Variants in SGCB observed in about 807,000 individuals in gnomAD.
The protein encoded by SGCB is beta-sarcoglycan.
A neutral mutation model predicts 27.3 loss-of-function variants in SGCB; 25 were observed. The observed-to-expected ratio is 0.92, with a 90% CI of 0.67 to 1.28. SGCB has a LOEUF of 1.28. SGCB is among the 50% of genes most tolerant of loss of function. The pLI is 0.00. For synonymous variants in SGCB, 147 were observed against 133.5 expected, an observed-to-expected ratio of 1.10 and a Z score of -0.70; for missense variants, 436 against 402.1, an observed-to-expected ratio of 1.08 and a Z score of -0.72.
chr4:52,025,493 C>G (rs1737066410), intron 5 of SGCB, among the ~76,000 whole-genome samples: 1 of 152,236 alleles, frequency 6.6e-6, no homozygotes, highest in South Asian at 2.1e-4. Context: ...CCAGGGACAG[C>G]TATGAGGCCA....
intron 3 of SGCB, among the ~76,000 whole-genome samples, 197 bp from the exon 4 acceptor site, chr4:52,029,118 A>C (rs1737184113): frequency 6.6e-6 from 1 of 152,248 alleles, no homozygotes; most frequent in Admixed American, 6.5e-5. Flanking sequence ...GAAGGTTTAT[A>C]CATTTATTTG....
intron 5 of SGCB, among the ~76,000 whole-genome samples, chr4:52,027,627 T>C (rs1460192396): frequency 7.0e-6 from 1 of 143,674 alleles, no homozygotes; most frequent in Non-Finnish European, 1.5e-5. Context: ...CAAGTGATCA[T>C]TATACAAAAA....
intron 2 of SGCB, among the ~76,000 whole-genome samples, chr4:52,032,763 A>G (rs987319553): frequency 6.6e-6 from 1 of 152,204 alleles, no homozygotes; most frequent in Non-Finnish European, 1.5e-5. Flanking sequence ...TAAGTATATC[A>G]ATAATCATTC....
intron 5 of SGCB, among the ~76,000 whole-genome samples, chr4:52,025,420 A>G (rs2110210519): frequency 6.6e-6 from 1 of 152,256 alleles, no homozygotes; most frequent in Middle Eastern, 3.4e-3. Flanking sequence ...TAACTGGGGA[A>G]GGGTACTCAA....
At chr4:52,034,057 C>A (rs1024038875) in intron 1 of SGCB, among the ~76,000 whole-genome samples, 37 of 151,924 alleles carry the variant, frequency 2.4e-4, no homozygotes, top group African/African-American at 8.2e-4. Context: ...TGAGGCCAGG[C>A]GCGGTGGCTC....
rs998759536 is a variant in SGCB at position 52,038,242 on chromosome 4, C to T, written c.18G>A (p.Ala6=). Reference sequence around the variant, plus strand: ...ACTCACAGACCTGTTCTGCAGCCGCCGCCGCCGCTGCCGCCATCTTCCCGC... The same window carrying T: ...ACTCACAGACCTGTTCTGCAGCCGCTGCCGCCGCTGCCGCCATCTTCCCGC... The part of the protein sequence containing the change: MAAAA[A]AAAEQQSSNG... The change falls in exon 1 of 6, where the codon GCG becomes GCA. Residue 6 remains alanine, a synonymous_variant. Transcript: ENST00000381431. 1.9e-5 allele frequency: 24 copies of T among 1,291,176 alleles called. No individual in the cohort carries two copies. In the Admixed American group the frequency reaches 3.6e-4, roughly 20 times the overall value. The allele number at this position is 1,291,176 out of a possible 1,614,324, so 80.0% of individuals were successfully genotyped here.
chr4:52,033,710 A>C (rs1737310820), intron 1 of SGCB, 70 bp from the exon 2 acceptor site: 4 of 1,170,278 alleles, frequency 3.4e-6, no homozygotes, highest in Non-Finnish European at 3.8e-6. Context: ...TATTAGGTGC[A>C]AATTCATAGC....
At chr4:52,031,406 A>ATGTGTGTGTGTG (rs57599198) in intron 2 of SGCB, among the ~76,000 whole-genome samples, 276 of 142,802 alleles carry the variant, frequency 1.9e-3, no homozygotes, top group African/African-American at 4.9e-3. Context: ...GTGTGTGTGT[A>ATGTGTGTGTGTG]TGTGTGTGTG....
intron 3 of SGCB, 141 bp downstream of exon 3, chr4:52,029,533 TCATA>T: frequency 1.9e-6 from 1 of 539,030 alleles, no homozygotes; most frequent in Non-Finnish European, 3.3e-6. Context: ...TTCACTATAT[TCATA>T]CATTTATAGA....
intron 1 of SGCB, 101 bp downstream of exon 1, chr4:52,038,126 C>T: frequency 1.9e-6 from 2 of 1,072,812 alleles, no homozygotes; most frequent in South Asian, 8.8e-5. Context: ...ACCCTGCGGC[C>T]CGCGCCCCCC....
intron 2 of SGCB, chr4:52,031,985 G>A (rs1259753009): frequency 2.2e-6 from 1 of 455,908 alleles, no homozygotes; most frequent in African/African-American, 2.0e-5. Flanking sequence ...ATGAGGAAAA[G>A]AGAGCGTGGG....
chr4:52,030,561 T>C (rs1427154859), intron 2 of SGCB, among the ~76,000 whole-genome samples: 1 of 152,226 alleles, frequency 6.6e-6, no homozygotes, highest in Non-Finnish European at 1.5e-5. Flanking sequence ...GTAAAATCTC[T>C]CAATACAATT....
chr4:52,031,834 T>C (rs1737253841), intron 2 of SGCB: 1 of 451,014 alleles, frequency 2.2e-6, no homozygotes, highest in Non-Finnish European at 4.5e-6. Flanking sequence ...CTGACAGGTG[T>C]CACAAGAGGG....
chr4:52,038,290 G>C lies in SGCB; in HGVS notation c.-31C>G, dbSNP rs1737458704. 7.8e-7 allele frequency: 1 copy of C among 1,275,566 alleles called. No individual in the cohort carries two copies. The highest frequency in any genetic ancestry group is 3.0e-4 in the Middle Eastern group (1 of 3,294). 79.0% of individuals were successfully genotyped at this position (1,275,566 alleles called of 1,614,324 possible). A position where few individuals can be genotyped will look rare whatever the true frequency, so the allele number is the denominator to read the frequency against. On this transcript the variant is annotated 5_prime_UTR_variant, in exon 1 of 6. Transcript: ENST00000381431. ...CGCGCCCGCCGCCGCCGAGCTCCCC[G>C]CCCGACTGTGCCCGCCCCTCCGCGA...
intron 3 of SGCB, 83 bp from the exon 4 acceptor site, chr4:52,029,004 C>T: frequency 9.7e-7 from 1 of 1,025,766 alleles, no homozygotes; most frequent in Non-Finnish European, 1.5e-6. Flanking sequence ...TTAAAAATTA[C>T]AAAAATTACA....
chr4:52,031,406 ATGTGTGTG>A (rs57599198), intron 2 of SGCB, among the ~76,000 whole-genome samples: 1,891 of 142,790 alleles, frequency 0.013, 49 homozygotes, highest in African/African-American at 0.048. Context: ...GTGTGTGTGT[ATGTGTGTG>A]TGTGTGTGTG....
intron 5 of SGCB, among the ~76,000 whole-genome samples, 195 bp from the exon 6 acceptor site, chr4:52,024,355 C>A (rs1056833800): frequency 6.6e-6 from 1 of 152,090 alleles, no homozygotes; most frequent in Non-Finnish European, 1.5e-5. Context: ...CTTCATATAT[C>A]CATAACATAT....
At chr4:52,038,076 T>TTCCCC in intron 1 of SGCB, 151 bp downstream of exon 1, 1 of 173,170 alleles carries the variant, frequency 5.8e-6, no homozygotes, top group Non-Finnish European at 1.1e-5. Flanking sequence ...GCACAGCTCC[T>TTCCCC]CCCGCCCCGC....
At position 52,024,151 on chromosome 4, in the gene SGCB, T is replaced by C. The variant is rs569029693; in HGVS notation, c.763A>G (p.Ile255Val). 2.5e-6 allele frequency: 4 copies of C among 1,613,356 alleles called. No homozygotes were observed. The Admixed American group carries it at 6.7e-5, about 27-fold the overall frequency. The change falls in exon 6 of 6, where the codon ATC becomes GTC. Residue 255 changes from isoleucine to valine, a missense_variant. Coordinates refer to ENST00000381431, the MANE Select transcript of SGCB (RefSeq NM_000232.5). ...GNMELKAENS[I>V]ILNGSVMVST... is the part of the protein sequence containing the mutation. ...ACCATCACAGATCCATTTAGGATGA[T>C]ACTGTTTTCCTATTAGGAGAATAGT...
Sources: allele counts gnomAD v4.1 joint callset (sites outside exome capture counted in the v4.1 genomes callset), GRCh38; gene constraint gnomAD v4.1.1; transcripts MANE v1.5; gene names NCBI Gene and HGNC (gene_info 2026-07-23, HGNC 2026-07-21).